DLGAP1: variants seen among roughly 807,000 people sequenced by gnomAD.
The protein encoded by DLGAP1 is DLG associated protein 1.
A neutral mutation model predicts 90.8 loss-of-function variants in DLGAP1; 11 were observed. The ratio of observed to expected loss-of-function variants is 0.12; its 90% confidence interval spans 0.08 to 0.20. The LOEUF is 0.20. Among genes scored for constraint, DLGAP1 ranks in the 10% least tolerant of loss-of-function variants. The probability of loss-of-function intolerance (pLI) is 1.00; values close to 1 mark genes in which losing one functional copy is unlikely to be tolerated. For missense variants in DLGAP1, 1,050 were observed against 1,333.8 expected, an observed-to-expected ratio of 0.79 and a Z score of 3.31; for synonymous variants, 558 against 540.7, an observed-to-expected ratio of 1.03 and a Z score of -0.44.
chr18:3,961,785 G>A (rs1373167547), intron 3 of DLGAP1, among the ~76,000 whole-genome samples: 1 of 152,184 alleles, frequency 6.6e-6, no homozygotes, highest in East Asian at 1.9e-4. Flanking sequence ...CCCACAAGTG[G>A]GGCAAGGGGA....
At chr18:3,860,276 C>A (rs1007244637) in intron 4 of DLGAP1, among the ~76,000 whole-genome samples, 23 of 151,738 alleles carry the variant, frequency 1.5e-4, no homozygotes, top group Non-Finnish European at 4.4e-5. Context: ...AATCTGCTCT[C>A]TTGCTTCAGT....
intron 5 of DLGAP1, among the ~76,000 whole-genome samples, chr18:3,796,152 G>A (rs1236981242): frequency 6.9e-6 from 1 of 145,880 alleles, no homozygotes; most frequent in African/African-American, 2.5e-5. Flanking sequence ...GGGTTCTAAT[G>A]CAGACATAGA....
chr18:4,033,145 TTTCA>T (rs200958290), intron 2 of DLGAP1, among the ~76,000 whole-genome samples: 1,998 of 152,270 alleles, frequency 0.013, 11 homozygotes, highest in African/African-American at 0.016. Context: ...TCATTAGTTA[TTTCA>T]TTTTTATTTT....
intron 4 of DLGAP1, among the ~76,000 whole-genome samples, chr18:3,862,011 A>G (rs928905374): frequency 1.3e-5 from 2 of 152,214 alleles, no homozygotes; most frequent in Non-Finnish European, 2.9e-5. Flanking sequence ...ACACTTGTAC[A>G]TCAATCATGT....
intron 1 of DLGAP1, among the ~76,000 whole-genome samples, chr18:4,337,918 A>G (rs1190619377): frequency 6.6e-6 from 1 of 152,018 alleles, no homozygotes; most frequent in East Asian, 1.9e-4. Flanking sequence ...TTTTTTTTCC[A>G]TATTGTCTCA....
chr18:3,499,286 G>A lies in DLGAP1; in HGVS notation c.2833C>T (p.Leu945=), dbSNP rs1598940087. Reference sequence around the variant, plus strand: ...GACGCGGCGCGCTTGGCGGCCATCAGGCGCTTGCGGGCCTCCTGGCGCTGC... The same window carrying A: ...GACGCGGCGCGCTTGGCGGCCATCAAGCGCTTGCGGGCCTCCTGGCGCTGC... ...SSQRQEARKR[L]MAAKRAASVR... Residue 945 remains leucine (L), a synonymous_variant, in exon 13 of 13, where the codon CTG becomes TTG. Transcript: ENST00000315677. The surrounding 1 kb of genome is among the most constrained non-coding windows in gnomAD (Gnocchi z 6.4). The A allele has an allele frequency of 6.3e-7, 1 of 1,593,106 alleles. No homozygotes were observed.
At chr18:4,367,031 T>A (rs79349274) in intron 1 of DLGAP1, among the ~76,000 whole-genome samples, 151 of 52,726 alleles carry the variant, frequency 2.9e-3, no homozygotes, top group Middle Eastern at 0.013. Context: ...AAAAAAAAAA[T>A]CTTGTACTTT....
intron 2 of DLGAP1, among the ~76,000 whole-genome samples, chr18:4,123,320 T>C (rs925879745): frequency 6.6e-6 from 1 of 152,050 alleles, no homozygotes; most frequent in Non-Finnish European, 1.5e-5. Flanking sequence ...CTAAGTTAAA[T>C]GTAGGCCGAG....
intron 3 of DLGAP1, among the ~76,000 whole-genome samples, chr18:3,927,602 A>G (rs1357743550): frequency 6.6e-6 from 1 of 152,220 alleles, no homozygotes; most frequent in Non-Finnish European, 1.5e-5. Context: ...TTAGGCCTTC[A>G]GCTATACATA....
chr18:4,430,348 A>T (rs1463782312), intron 1 of DLGAP1, among the ~76,000 whole-genome samples: 2 of 152,180 alleles, frequency 1.3e-5, no homozygotes, highest in African/African-American at 4.8e-5. Flanking sequence ...CCAAATTAAA[A>T]GTTCTAGATC....
chr18:3,505,878 G>C (rs79236791), intron 11 of DLGAP1, among the ~76,000 whole-genome samples: 1,786 of 152,182 alleles, frequency 0.012, 37 homozygotes, highest in African/African-American at 0.041. Context: ...CAAGGAATGT[G>C]AGCCCATCAA....
chr18:4,411,014 C>A (rs1039000639), intron 1 of DLGAP1, among the ~76,000 whole-genome samples: 6 of 152,310 alleles, frequency 3.9e-5, no homozygotes, highest in Non-Finnish European at 8.8e-5. Context: ...CAATATGGGA[C>A]ATCTCTGGAG....
chr18:4,285,106 GC>G (rs2079655078), intron 1 of DLGAP1, among the ~76,000 whole-genome samples: 2 of 151,948 alleles, frequency 1.3e-5, no homozygotes, highest in Admixed American at 1.3e-4. Context: ...GCCAGAGTTG[GC>G]AATCCCTATA....
intron 2 of DLGAP1, among the ~76,000 whole-genome samples, chr18:4,135,216 C>G (rs2076380397): frequency 6.6e-6 from 1 of 151,942 alleles, no homozygotes; most frequent in Non-Finnish European, 1.5e-5. Context: ...CTAACTTATG[C>G]AACTGGGTGG....
In DLGAP1 at chr18:3,672,577, C is replaced by CAA. The variant is rs60316690; in HGVS notation, c.1591+56556_1591+56557dup. On this transcript the variant is annotated intron_variant, in intron 7 of 12. Coordinates refer to ENST00000315677, the MANE Select transcript of DLGAP1 (RefSeq NM_004746.4). ...GGGCAACAAGAGCAAAACTCTATCTCAAAAAAAAAAAAAAAAAAAAAAAAA... is the reference window on the plus strand; with the variant it reads ...GGGCAACAAGAGCAAAACTCTATCTCAAAAAAAAAAAAAAAAAAAAAAAAAAA... Among the ~76,000 whole-genome samples, 68 of 39,550 alleles carry CAA rather than the reference C, an allele frequency of 1.7e-3. 1 individual carries two copies. The highest frequency in any genetic ancestry group is 2.3e-3 in the Non-Finnish European group (52 of 22,212). 25.9% of individuals were successfully genotyped at this position (39,550 alleles called of 152,430 possible). A position where few individuals can be genotyped will look rare whatever the true frequency, so the allele number is the denominator to read the frequency against.
At chr18:4,365,291 T>C (rs142404911) in intron 1 of DLGAP1, among the ~76,000 whole-genome samples, 5 of 152,240 alleles carry the variant, frequency 3.3e-5, no homozygotes, top group African/African-American at 7.2e-5. Context: ...CTTAAAAAAC[T>C]GGAAGCAGAA....
intron 1 of DLGAP1, among the ~76,000 whole-genome samples, chr18:4,284,402 A>G (rs2145455930): frequency 6.6e-6 from 1 of 152,110 alleles, no homozygotes; most frequent in South Asian, 2.1e-4. Context: ...AATGCATCAA[A>G]CGCTTTATCC....
At chr18:3,933,274 T>A (rs776893414) in intron 3 of DLGAP1, among the ~76,000 whole-genome samples, 40 of 152,132 alleles carry the variant, frequency 2.6e-4, no homozygotes, top group Non-Finnish European at 5.0e-4. Context: ...TAGCTTATAG[T>A]GCGGTGGGAA....
At chr18:3,948,069 A>G (rs954665672) in intron 3 of DLGAP1, among the ~76,000 whole-genome samples, 1 of 152,114 alleles carries the variant, frequency 6.6e-6, no homozygotes, top group African/African-American at 2.4e-5. Flanking sequence ...AGCAAAGTAC[A>G]CTCCCATACA....
Sources: allele counts gnomAD v4.1 joint callset (sites outside exome capture counted in the v4.1 genomes callset), GRCh38; gene constraint gnomAD v4.1.1; non-coding constraint Gnocchi (gnomAD v3.1); transcripts MANE v1.5; gene names NCBI Gene and HGNC (gene_info 2026-07-23, HGNC 2026-07-21).